The following SPATS2L variants were observed in gnomAD, a reference collection of about 807,000 sequenced individuals.
The protein encoded by SPATS2L is spermatogenesis associated serine rich 2 like, also known as SPATS2-like protein.
SPATS2L carries 30 observed loss-of-function variants against 59.6 expected under a neutral mutation model. The observed-to-expected ratio is 0.50, with a 90% CI of 0.38 to 0.68. The LOEUF is 0.68. SPATS2L is among the 30% of genes least tolerant of loss of function. SPATS2L has a pLI of 0.00. For missense variants in SPATS2L, 615 were observed against 700.0 expected (o/e 0.88, Z 1.37); for synonymous variants, 252 against 263.5 (o/e 0.96, Z 0.42).
intron 1 of SPATS2L, among the ~76,000 whole-genome samples, chr2:200,307,794 C>A (rs2079076347): frequency 6.6e-6 from 1 of 152,220 alleles, no homozygotes; most frequent in Non-Finnish European, 1.5e-5. Flanking sequence ...TTGAACTTCA[C>A]GAGCTTCTCA....
At chr2:200,475,691 G>GAT (rs2087462080) in intron 12 of SPATS2L, among the ~76,000 whole-genome samples, 1 of 152,132 alleles carries the variant, frequency 6.6e-6, no homozygotes, top group Non-Finnish European at 1.5e-5. Flanking sequence ...TCCTTTAACA[G>GAT]ATGTATGGAC....
At chr2:200,341,753 G>A (rs529569329) in intron 2 of SPATS2L, among the ~76,000 whole-genome samples, 212 of 151,590 alleles carry the variant, frequency 1.4e-3, no homozygotes, top group African/African-American at 5.0e-3. Flanking sequence ...GCAGTGGTGG[G>A]ATCTCAGCTC....
chr2:200,471,023 G>A (rs1444474127), intron 11 of SPATS2L, among the ~76,000 whole-genome samples: 2 of 152,058 alleles, frequency 1.3e-5, no homozygotes, highest in East Asian at 3.9e-4. Context: ...AGCTGGGCGT[G>A]GTGGCAGGTG....
Position 200,381,153 on chromosome 2 carries a change from T to C in SPATS2L, c.-22-8070T>C, listed in dbSNP as rs140310013. Among the ~76,000 whole-genome samples, 516 of 152,338 alleles carry C rather than the reference T, an allele frequency of 3.4e-3. 5 individuals carry two copies. Among genetic ancestry groups the C allele is most frequent in the African/African-American group, 0.011 (455 of 41,576 alleles). On this transcript the variant is annotated intron_variant, in intron 2 of 12. Coordinates refer to ENST00000409140, the MANE Select transcript of SPATS2L (RefSeq NM_001100423.2). ...ACTAAGTTTAGACCAAATCTCAGTT[T>C]TGAAGAAGGAGCATTTGTTTCCCTC...
chr2:200,308,095 GTCGTGTAACCTTTTTAACA>G (rs2079085933), intron 1 of SPATS2L, among the ~76,000 whole-genome samples: 1 of 152,016 alleles, frequency 6.6e-6, no homozygotes, highest in African/African-American at 2.4e-5. Flanking sequence ...AAATAGTAAG[GTCGTGTAACCTTTTTAACA>G]TCGTTTTAGT....
chr2:200,428,547 C>CA (rs2083720901), intron 6 of SPATS2L, among the ~76,000 whole-genome samples: 1 of 152,198 alleles, frequency 6.6e-6, no homozygotes, highest in East Asian at 1.9e-4. Context: ...TAGATTATTT[C>CA]AGCCATACTC....
At chr2:200,377,875 G>A (rs16833091) in intron 2 of SPATS2L, 16,341 of 152,170 alleles carry the variant, frequency 0.11, 1,126 homozygotes, top group Middle Eastern at 0.23. Context: ...TCCTGGTGTC[G>A]CCTGGAAGAT....
chr2:200,333,636 A>T (rs1421490258), intron 2 of SPATS2L, among the ~76,000 whole-genome samples: 1 of 151,986 alleles, frequency 6.6e-6, no homozygotes, highest in African/African-American at 2.4e-5. Context: ...ATATCTCCTA[A>T]TGCTATCCCT....
intron 2 of SPATS2L, among the ~76,000 whole-genome samples, chr2:200,363,638 A>G (rs1233717427): frequency 2.0e-5 from 3 of 152,282 alleles, no homozygotes; most frequent in African/African-American, 4.8e-5. Context: ...GTAAGTGTAC[A>G]GAAGATATTA....
chr2:200,369,613 A>C (rs2081366170), intron 2 of SPATS2L, among the ~76,000 whole-genome samples: 1 of 152,132 alleles, frequency 6.6e-6, no homozygotes, highest in African/African-American at 2.4e-5. Context: ...ATAAGTATTA[A>C]GTACTGGATA....
chr2:200,409,642 C>G (rs2082807134), intron 3 of SPATS2L, among the ~76,000 whole-genome samples: 1 of 152,164 alleles, frequency 6.6e-6, no homozygotes, highest in South Asian at 2.1e-4. Context: ...TATGTAATAT[C>G]CAAGTATAAG....
upstream of SPATS2L, chr2:200,306,566 G>C (rs545290972): frequency 2.0e-5 from 20 of 1,002,286 alleles, no homozygotes; most frequent in African/African-American, 1.6e-4. Flanking sequence ...GTTTGCGAGC[G>C]GGAGCGAGGG....
intron 1 of SPATS2L, among the ~76,000 whole-genome samples, chr2:200,311,535 A>G (rs1182163238): frequency 6.6e-6 from 1 of 152,228 alleles, no homozygotes; most frequent in Non-Finnish European, 1.5e-5. Context: ...AAGTTCAGCT[A>G]ATTGGCTCTA....
At chr2:200,313,541 C>T (rs1282486314) in intron 1 of SPATS2L, among the ~76,000 whole-genome samples, 1 of 152,132 alleles carries the variant, frequency 6.6e-6, no homozygotes, top group Non-Finnish European at 1.5e-5. Flanking sequence ...AGGGACCTTG[C>T]TTCATTGTCT....
chr2:200,394,941 A>G (rs2082285660), intron 3 of SPATS2L, among the ~76,000 whole-genome samples: 1 of 152,172 alleles, frequency 6.6e-6, no homozygotes, highest in South Asian at 2.1e-4. Context: ...ATAAAGGGAG[A>G]AAAAAATTCC....
chr2:200,315,059 G>A (rs1187060378), intron 1 of SPATS2L, among the ~76,000 whole-genome samples: 1 of 152,194 alleles, frequency 6.6e-6, no homozygotes, highest in African/African-American at 2.4e-5. Context: ...TCACCTGTGT[G>A]CTCACATTAT....
intron 1 of SPATS2L, among the ~76,000 whole-genome samples, chr2:200,322,273 A>G (rs2079586787): frequency 6.6e-6 from 1 of 152,230 alleles, no homozygotes; most frequent in Admixed American, 6.5e-5. Context: ...TCTTTGTTTT[A>G]GTTGTACGGA....
intron 1 of SPATS2L, among the ~76,000 whole-genome samples, chr2:200,310,967 C>G (rs1057406002): frequency 6.6e-6 from 1 of 152,216 alleles, no homozygotes; most frequent in South Asian, 2.1e-4. Flanking sequence ...TCCTTTCTTA[C>G]GCTGTTACAT....
intron 12 of SPATS2L, among the ~76,000 whole-genome samples, chr2:200,475,770 A>G (rs1332159356): frequency 6.6e-6 from 1 of 152,248 alleles, no homozygotes; most frequent in African/African-American, 2.4e-5. Context: ...TATACCATCC[A>G]GTCACAGTGC....
Sources: allele counts gnomAD v4.1 joint callset (sites outside exome capture counted in the v4.1 genomes callset), GRCh38; gene constraint gnomAD v4.1.1; transcripts MANE v1.5; gene names NCBI Gene and HGNC (gene_info 2026-07-23, HGNC 2026-07-21).